Variants in LRRC49 observed in about 807,000 individuals in gnomAD.
LRRC49 encodes leucine-rich repeat-containing protein 49.
Under a neutral mutation model 83.3 loss-of-function variants are expected in LRRC49, and 50 were observed. The observed-to-expected ratio is 0.60, with a 90% CI of 0.48 to 0.76. The LOEUF (loss-of-function observed/expected upper bound fraction) is 0.76. LRRC49 is among the 30% of genes least tolerant of loss of function. The probability of loss-of-function intolerance (pLI) is 0.00; values close to 1 mark genes in which losing one functional copy is unlikely to be tolerated. For synonymous variants in LRRC49, 286 were observed against 283.3 expected (o/e 1.01, Z -0.10); for missense variants, 704 against 809.1 (o/e 0.87, Z 1.58).
At chr15:70,924,516 T>C (rs2035124739) in intron 7 of LRRC49, among the ~76,000 whole-genome samples, 2 of 151,996 alleles carry the variant, frequency 1.3e-5, no homozygotes, top group South Asian at 4.1e-4. Flanking sequence ...ATCTCTACAC[T>C]CTTATCAGAT....
intron 11 of LRRC49, among the ~76,000 whole-genome samples, chr15:71,006,139 C>A (rs1353888827): frequency 1.3e-5 from 2 of 152,116 alleles, no homozygotes. Flanking sequence ...TTGGAAATTA[C>A]TTCTGCTTTG....
chr15:70,901,944 C>T (rs1741083537), intron 4 of LRRC49, among the ~76,000 whole-genome samples: 1 of 152,152 alleles, frequency 6.6e-6, no homozygotes, highest in African/African-American at 2.4e-5. Context: ...CCAGCAGAGA[C>T]AACATCTCTG....
intron 8 of LRRC49, among the ~76,000 whole-genome samples, chr15:70,959,560 AGG>A: frequency 7.9e-6 from 1 of 126,634 alleles, no homozygotes; most frequent in Admixed American, 7.8e-5. Context: ...GAAGGAAGGA[AGG>A]AAGGAAGGAA....
chr15:70,954,919 G>A (rs2036344882), intron 8 of LRRC49, among the ~76,000 whole-genome samples: 1 of 152,080 alleles, frequency 6.6e-6, no homozygotes, highest in African/African-American at 2.4e-5. Flanking sequence ...TGGGCGAAAG[G>A]CACTCTGGCA....
At chr15:70,904,955 G>A (rs919642838) in intron 5 of LRRC49, among the ~76,000 whole-genome samples, 200 bp downstream of exon 5, 9 of 152,130 alleles carry the variant, frequency 5.9e-5, no homozygotes, top group African/African-American at 1.9e-4. Flanking sequence ...ACCAGATAAC[G>A]TTTATTATGT....
chr15:71,005,778 G>T (rs1411421502), intron 11 of LRRC49, among the ~76,000 whole-genome samples: 10 of 152,112 alleles, frequency 6.6e-5, no homozygotes, highest in African/African-American at 2.2e-4. Flanking sequence ...AAGAAAGAAA[G>T]AATTAATTAG....
intron 15 of LRRC49, among the ~76,000 whole-genome samples, chr15:71,038,362 G>A (rs917671658): frequency 5.9e-5 from 9 of 152,054 alleles, no homozygotes; most frequent in East Asian, 1.9e-4. Flanking sequence ...TCAAACCACC[G>A]TATTATAGCT....
chr15:70,956,460 C>A (rs1421327218), intron 8 of LRRC49, among the ~76,000 whole-genome samples: 3 of 145,532 alleles, frequency 2.1e-5, no homozygotes, highest in Non-Finnish European at 4.5e-5. Context: ...TCTTGGTACT[C>A]TAAAGAGATG....
intron 11 of LRRC49, among the ~76,000 whole-genome samples, chr15:71,006,645 C>A (rs1488714186): frequency 6.6e-6 from 1 of 152,102 alleles, no homozygotes; most frequent in Non-Finnish European, 1.5e-5. Flanking sequence ...AGAGCATAGG[C>A]TAGGAGCTGT....
chr15:71,034,094 A>C (rs1291656584), intron 14 of LRRC49, among the ~76,000 whole-genome samples: 2 of 152,102 alleles, frequency 1.3e-5, no homozygotes, highest in African/African-American at 4.8e-5. Context: ...CAGAGCAAAC[A>C]AGGCAACCTA....
intron 1 of LRRC49, among the ~76,000 whole-genome samples, chr15:70,872,340 C>T (rs1164997928): frequency 4.6e-5 from 7 of 151,054 alleles, no homozygotes; most frequent in East Asian, 2.0e-4. Context: ...ACCGAGATTG[C>T]GGCAGCACAG....
upstream of LRRC49, among the ~76,000 whole-genome samples, chr15:70,889,366 C>T (rs539628018): frequency 2.6e-5 from 4 of 152,088 alleles, no homozygotes; most frequent in South Asian, 4.2e-4. Flanking sequence ...AATCCCCCCC[C>T]CAAAAAAAAG....
intron 8 of LRRC49, among the ~76,000 whole-genome samples, chr15:70,961,987 A>G (rs1355249524): frequency 6.6e-6 from 1 of 152,184 alleles, no homozygotes; most frequent in Non-Finnish European, 1.5e-5. Flanking sequence ...AACCTCCCTA[A>G]GGGGGTGGGG....
intron 9 of LRRC49, among the ~76,000 whole-genome samples, chr15:70,967,755 T>C (rs2036841732): frequency 6.6e-6 from 1 of 152,086 alleles, no homozygotes; most frequent in Non-Finnish European, 1.5e-5. Context: ...AAAAAAGGCA[T>C]GGACAATACA....
In LRRC49 at chr15:71,050,281, G is replaced by A. The variant is rs940338875; in HGVS notation, c.*669G>A. 7.9e-5 allele frequency: 12 copies of A among 152,148 alleles called. No homozygotes were observed. Among genetic ancestry groups the A allele is most frequent in the Non-Finnish European group, 2.9e-5 (2 of 68,030 alleles). 9.4% of individuals were successfully genotyped at this position (152,148 alleles called of 1,614,324 possible). ...GTCAAAACTGGGATAGGAAGAAAAT[G>A]TTTTGTCTTAGGAGATCCTGAATGA... On this transcript the variant is annotated 3_prime_UTR_variant, in exon 16 of 16. Transcript: ENST00000260382.
At chr15:70,956,070 A>G (rs2141186653) in intron 8 of LRRC49, among the ~76,000 whole-genome samples, 1 of 152,322 alleles carries the variant, frequency 6.6e-6, no homozygotes, top group African/African-American at 2.4e-5. Context: ...TTGCTGGTAT[A>G]AAAGAGTAAA....
rs1335819890 is a variant in LRRC49 at position 71,053,124 on chromosome 15, TA to T, written c.*3513del. 6.6e-6 allele frequency: 1 copy of T among 152,172 alleles called. No individual in the cohort carries two copies. Among genetic ancestry groups the T allele is most frequent in the Non-Finnish European group, 1.5e-5 (1 of 68,036 alleles). 9.4% of individuals were successfully genotyped at this position (152,172 alleles called of 1,614,324 possible). A position where few individuals can be genotyped will look rare whatever the true frequency, so the allele number is the denominator to read the frequency against. ...CTTCAGGAGGGGGCAATAATTAAAT[TA>T]GGGGGACCAGTTGGGAAGGTACTGC... On this transcript the variant is annotated 3_prime_UTR_variant, in exon 16 of 16. Coordinates refer to ENST00000260382, the MANE Select transcript of LRRC49 (RefSeq NM_017691.5).
intron 14 of LRRC49, among the ~76,000 whole-genome samples, chr15:71,023,224 A>G (rs772323004): frequency 2.0e-5 from 3 of 152,210 alleles, no homozygotes; most frequent in South Asian, 4.1e-4. Context: ...GCGCTAAAAC[A>G]CTTATCTCAC....
intron 1 of LRRC49, chr15:70,859,745 G>T: frequency 1.4e-6 from 1 of 713,324 alleles, no homozygotes. Flanking sequence ...TGGGGAGCTG[G>T]CCGTTAAGGA....
Sources: gnomAD v4.1 joint callset for allele counts (sites outside exome capture counted in the v4.1 genomes callset) on GRCh38, gnomAD v4.1.1 for gene constraint, MANE v1.5 for transcripts, NCBI Gene and HGNC (gene_info 2026-07-23, HGNC 2026-07-21) for gene names.